The following MORC1 variants were observed in gnomAD, a reference collection of about 807,000 sequenced individuals.
The protein encoded by MORC1 is MORC family CW-type zinc finger 1, also known as MORC family CW-type zinc finger protein 1.
Under a neutral mutation model 134.9 loss-of-function variants are expected in MORC1, and 59 were observed. The observed-to-expected ratio is 0.44, with a 90% CI of 0.35 to 0.54. The LOEUF (loss-of-function observed/expected upper bound fraction) is 0.54, where lower values mean the gene tolerates loss of function less well. Among genes scored for constraint, MORC1 ranks in the 20% least tolerant of loss-of-function variants. The probability of loss-of-function intolerance (pLI) is 0.00; values close to 1 mark genes in which losing one functional copy is unlikely to be tolerated. For synonymous variants in MORC1, 395 were observed against 391.7 expected (o/e 1.01, Z -0.10); for missense variants, 947 against 1,134.5 (o/e 0.83, Z 2.37).
intron 14 of MORC1, among the ~76,000 whole-genome samples, chr3:109,044,766 G>A (rs2107644715): frequency 6.6e-6 from 1 of 150,450 alleles, no homozygotes; most frequent in South Asian, 2.1e-4. Context: ...CCAACATGGT[G>A]AAACTCTGTC....
chr3:109,103,719 A>G (rs980847131), intron 4 of MORC1, 130 bp downstream of exon 4: 5 of 753,110 alleles, frequency 6.6e-6, no homozygotes, highest in Middle Eastern at 4.9e-4. Context: ...AAGTTCAACA[A>G]AAAGTCTGGG....
At chr3:108,990,053 T>C (rs1357894361) in intron 21 of MORC1, among the ~76,000 whole-genome samples, 1 of 152,068 alleles carries the variant, frequency 6.6e-6, no homozygotes, top group African/African-American at 2.4e-5. Context: ...CCCCTACACA[T>C]TCTCTCTTGC....
At chr3:108,971,498 T>C in intron 24 of MORC1, 96 bp from the exon 25 acceptor site, 2 of 1,010,160 alleles carry the variant, frequency 2.0e-6, no homozygotes, top group Non-Finnish European at 3.0e-6. Flanking sequence ...GTATTAAATA[T>C]CCTGGCAAAG....
At chr3:109,065,674 T>C (rs1241609955) in intron 9 of MORC1, among the ~76,000 whole-genome samples, 1 of 152,204 alleles carries the variant, frequency 6.6e-6, no homozygotes, top group East Asian at 1.9e-4. Context: ...GCAATGGCCT[T>C]TGTTAAGAGG....
At chr3:109,054,259 C>A (rs1346518565) in intron 14 of MORC1, among the ~76,000 whole-genome samples, 1 of 143,044 alleles carries the variant, frequency 7.0e-6, no homozygotes, top group Non-Finnish European at 1.5e-5. Context: ...CCAGCCTGGG[C>A]AACAGAACAA....
chr3:109,038,283 T>TG (rs1006677499), intron 14 of MORC1, among the ~76,000 whole-genome samples: 1 of 73,194 alleles, frequency 1.4e-5, no homozygotes, highest in African/African-American at 3.0e-5. Context: ...CACTTGTTGA[T>TG]GGGGTTTTTT....
At chr3:109,069,128 C>T (rs982766299) in intron 9 of MORC1, among the ~76,000 whole-genome samples, 25 of 152,124 alleles carry the variant, frequency 1.6e-4, no homozygotes, top group African/African-American at 5.8e-4. Context: ...TGCACTCCAG[C>T]CTGGGTGACA....
intron 14 of MORC1, among the ~76,000 whole-genome samples, chr3:109,045,751 T>C (rs1949681367): frequency 6.6e-6 from 1 of 152,168 alleles, no homozygotes; most frequent in Non-Finnish European, 1.5e-5. Context: ...ATGAGTCCAG[T>C]CAGTGGCAAA....
intron 17 of MORC1, 50 bp downstream of exon 17, chr3:109,027,699 CCA>C: frequency 6.2e-7 from 1 of 1,609,126 alleles, no homozygotes; most frequent in Admixed American, 1.7e-5. Flanking sequence ...ACATATGAAA[CCA>C]ACAGTTAAAG....
At chr3:108,972,878 C>T (rs556424916) in intron 24 of MORC1, among the ~76,000 whole-genome samples, 6 of 152,190 alleles carry the variant, frequency 3.9e-5, no homozygotes, top group East Asian at 3.9e-4. Context: ...CCTAAGAAAA[C>T]GCTCTTAGAC....
At chr3:109,080,028 A>G (rs957507043) in intron 8 of MORC1, among the ~76,000 whole-genome samples, 3 of 152,112 alleles carry the variant, frequency 2.0e-5, no homozygotes, top group Non-Finnish European at 2.9e-5. Flanking sequence ...CTTCTCAACA[A>G]CCCCTGGATA....
chr3:109,026,324 A>C (rs959611336), intron 17 of MORC1, among the ~76,000 whole-genome samples: 1 of 152,170 alleles, frequency 6.6e-6, no homozygotes, highest in Non-Finnish European at 1.5e-5. Flanking sequence ...ATTTGAAACA[A>C]ACTGGATCTA....
chr3:108,974,724 G>C (rs1041924833), intron 24 of MORC1, among the ~76,000 whole-genome samples: 3 of 152,204 alleles, frequency 2.0e-5, no homozygotes, highest in Non-Finnish European at 4.4e-5. Flanking sequence ...TTTACGCCCA[G>C]AGTTGATAAT....
intron 9 of MORC1, among the ~76,000 whole-genome samples, chr3:109,064,311 A>G (rs1396418936): frequency 1.3e-5 from 2 of 152,108 alleles, no homozygotes; most frequent in Non-Finnish European, 2.9e-5. Flanking sequence ...CTAATTCTGT[A>G]TTGTATAAAT....
At chr3:108,963,671 C>T in intron 26 of MORC1, 63 bp from the exon 27 acceptor site, 1 of 1,113,030 alleles carries the variant, frequency 9.0e-7, no homozygotes, top group African/African-American at 1.6e-5. Context: ...TCTAATATCA[C>T]TAGACAATTT....
intron 8 of MORC1, among the ~76,000 whole-genome samples, chr3:109,076,528 G>A (rs759958502): frequency 1.2e-4 from 19 of 152,266 alleles, no homozygotes; most frequent in Middle Eastern, 3.4e-3. Flanking sequence ...ACGTGCACAC[G>A]TATGTTTATT....
intron 17 of MORC1, among the ~76,000 whole-genome samples, chr3:109,017,028 C>A (rs986208664): frequency 3.9e-5 from 6 of 152,148 alleles, no homozygotes; most frequent in African/African-American, 1.4e-4. Context: ...TAGCTGTAAC[C>A]CCATGTTTCT....
At chr3:108,964,203 C>T (rs1947157487) in intron 26 of MORC1, among the ~76,000 whole-genome samples, 1 of 152,192 alleles carries the variant, frequency 6.6e-6, no homozygotes, top group Non-Finnish European at 1.5e-5. Context: ...CTTGGTTGTT[C>T]TCCAAAATTT....
At chr3:108,961,536 T>C (rs1033128055) in intron 27 of MORC1, among the ~76,000 whole-genome samples, 1 of 152,174 alleles carries the variant, frequency 6.6e-6, no homozygotes, top group Non-Finnish European at 1.5e-5. Flanking sequence ...CTCTATCTGC[T>C]CTGGGTCCCT....
Sources: allele counts gnomAD v4.1 joint callset (sites outside exome capture counted in the v4.1 genomes callset), GRCh38; gene constraint gnomAD v4.1.1; transcripts MANE v1.5; gene names NCBI Gene and HGNC (gene_info 2026-07-23, HGNC 2026-07-21).